TBC1D32: variants seen among roughly 807,000 people sequenced by gnomAD.
TBC1D32 encodes protein broad-minded.
TBC1D32 carries 151 observed loss-of-function variants against 170.3 expected under a neutral mutation model. The observed-to-expected ratio is 0.89, with a 90% CI of 0.78 to 1.01. The LOEUF is 1.01. Among genes scored for constraint, TBC1D32 ranks in the 50% least tolerant of loss-of-function variants. The pLI is 0.00. For synonymous variants in TBC1D32, 498 were observed against 488.0 expected (o/e 1.02, Z -0.27); for missense variants, 1,464 against 1,457.1 (o/e 1.00, Z -0.08).
At chr6:121,110,440 A>G (rs1165690753) in intron 29 of TBC1D32, among the ~76,000 whole-genome samples, 1 of 151,896 alleles carries the variant, frequency 6.6e-6, no homozygotes, top group Non-Finnish European at 1.5e-5. Context: ...TATAGGCTAT[A>G]AAAAAGGTAA....
In TBC1D32 at chr6:121,222,501, G is replaced by GTTTCCCAAAT. The variant is rs1434805676; in HGVS notation, c.2481+734_2481+735insATTTGGGAAA. On this transcript the variant is annotated intron_variant, in intron 21 of 31. Coordinates refer to ENST00000398212, the MANE Select transcript of TBC1D32 (RefSeq NM_152730.6). Reference sequence around the variant, plus strand: ...TATAAGCTATTAAAAGTTTCCCAAAGTAGACAAAATTTTTAAAAATCCAAG... The same window carrying GTTTCCCAAAT: ...TATAAGCTATTAAAAGTTTCCCAAAGTTTCCCAAATTAGACAAAATTTTTAAAAATCCAAG... Among the ~76,000 whole-genome samples the GTTTCCCAAAT allele has an allele frequency of 3.3e-5, 5 of 152,020 alleles. No homozygotes were observed. In the East Asian group the frequency reaches 7.7e-4, roughly 24 times the overall value.
At chr6:121,322,751 C>G (rs75758688) in intron 1 of TBC1D32, among the ~76,000 whole-genome samples, 9,828 of 152,202 alleles carry the variant, frequency 0.065, 614 homozygotes, top group Admixed American at 0.21. Flanking sequence ...ACATAGTAAA[C>G]ACTTTATAAA....
At chr6:121,218,178 A>G (rs1333332152) in intron 21 of TBC1D32, among the ~76,000 whole-genome samples, 16 of 152,218 alleles carry the variant, frequency 1.1e-4, no homozygotes, top group Admixed American at 1.0e-3. Context: ...CAAACAAAGC[A>G]AAAGAAGTCT....
In TBC1D32 at chr6:121,160,052, A is replaced by T; in HGVS notation, c.2731T>A (p.Cys911Ser). The T allele has an allele frequency of 1.2e-6, 2 of 1,609,110 alleles. No individual in the cohort carries two copies. Among genetic ancestry groups the T allele is most frequent in the Middle Eastern group, 1.7e-4 (1 of 6,028 alleles). The change falls in exon 24 of 32, where the codon TGC becomes AGC. Residue 911 changes from cysteine to serine, a missense_variant. Coordinates refer to ENST00000398212, the MANE Select transcript of TBC1D32 (RefSeq NM_152730.6). ...PMFSSYPLPNCYLSDITRNAG... is the reference protein window; with the variant it reads ...PMFSSYPLPNSYLSDITRNAG... ...TTTCTTGTAATGTCTGACAGATAGCAGTTTGGCAATGGATATGATGAAAAC... is the reference window on the plus strand; with the variant it reads ...TTTCTTGTAATGTCTGACAGATAGCTGTTTGGCAATGGATATGATGAAAAC...
chr6:121,292,910 T>C lies in TBC1D32; in HGVS notation c.1232-717A>G, dbSNP rs184307491. ...GAGACTGACAAGGGCTTGTAATAGC[T>C]GTTACGGAACGCTGAAGAAAGAACA... is the stretch of plus-strand genomic sequence containing the variant. On this transcript the variant is annotated intron_variant, in intron 11 of 31. Transcript: ENST00000398212. 5.7e-3 allele frequency among the ~76,000 whole-genome samples: 868 copies of C among 152,194 alleles called. 9 individuals carry two copies. Among genetic ancestry groups the C allele is most frequent in the African/African-American group, 0.02 (825 of 41,540 alleles).
chr6:121,090,903 G>C lies in TBC1D32; in HGVS notation c.3604C>G (p.Gln1202Glu). ...ICIAVFKHLQ[Q>E]DILQHTQTQD... Reference sequence around the variant, plus strand: ...GTCTGAGTGTGCTGTAGAATGTCTTGCTGTAAATGTTTGAATACAGCTATA... The same window carrying C: ...GTCTGAGTGTGCTGTAGAATGTCTTCCTGTAAATGTTTGAATACAGCTATA... The change falls in exon 31 of 32, where the codon CAA (glutamine) becomes GAA (glutamate). Residue 1202 changes from glutamine to glutamate, a missense_variant. Gln to Glu is a conservative substitution (Grantham distance 29). Transcript: ENST00000398212. 1.2e-6 allele frequency: 2 copies of C among 1,612,634 alleles called. No individual in the cohort carries two copies. Among genetic ancestry groups the C allele is most frequent in the Non-Finnish European group, 1.7e-6 (2 of 1,179,622 alleles).
chr6:121,273,526 T>C (rs1235110683), intron 15 of TBC1D32, among the ~76,000 whole-genome samples: 1 of 151,172 alleles, frequency 6.6e-6, no homozygotes, highest in Admixed American at 6.6e-5. Flanking sequence ...TTAAGAGATA[T>C]ACCTAATGTA....
chr6:121,129,831 T>C (rs2128215966), intron 25 of TBC1D32: 1 of 421,504 alleles, frequency 2.4e-6, no homozygotes, highest in Admixed American at 3.1e-5. Flanking sequence ...ATACTATTGG[T>C]AATAATCAGA....
intron 21 of TBC1D32, among the ~76,000 whole-genome samples, chr6:121,208,058 C>T (rs143974018): frequency 1.1e-4 from 16 of 151,654 alleles, no homozygotes; most frequent in Non-Finnish European, 2.1e-4. Flanking sequence ...AAAGGCTGCT[C>T]TCCTGTTTGG....
intron 15 of TBC1D32, among the ~76,000 whole-genome samples, chr6:121,262,599 C>T (rs1425094734): frequency 2.0e-5 from 3 of 151,984 alleles, no homozygotes; most frequent in Non-Finnish European, 2.9e-5. Flanking sequence ...GCCTCAGCCT[C>T]CTGAGTAGCT....
At chr6:121,200,369 TA>T (rs2128298319) in intron 22 of TBC1D32, among the ~76,000 whole-genome samples, 1 of 151,488 alleles carries the variant, frequency 6.6e-6, no homozygotes, top group East Asian at 1.9e-4. Flanking sequence ...AGAAAACTAT[TA>T]ATGTTAAATG....
intron 17 of TBC1D32, 130 bp from the exon 18 acceptor site, chr6:121,242,469 CAATA>C: frequency 1.3e-6 from 1 of 764,858 alleles, no homozygotes; most frequent in Non-Finnish European, 2.0e-6. Context: ...GCAAATTAAT[CAATA>C]AAGGTTTAAA....
At chr6:121,189,382 C>A (rs1224063950) in intron 22 of TBC1D32, among the ~76,000 whole-genome samples, 3 of 151,600 alleles carry the variant, frequency 2.0e-5, no homozygotes, top group Non-Finnish European at 4.4e-5. Flanking sequence ...CTGAGCATTT[C>A]CAACAGATAA....
chr6:121,094,220 T>C (rs1221438259), intron 30 of TBC1D32, among the ~76,000 whole-genome samples: 2 of 151,694 alleles, frequency 1.3e-5, no homozygotes, highest in African/African-American at 4.8e-5. Context: ...CAGGCTGGAG[T>C]GCAGTGGTGC....
rs541076501 is a variant in TBC1D32, at chr6:121,157,289, G to A, written c.2773+2721C>T. 6.6e-5 allele frequency among the ~76,000 whole-genome samples: 10 copies of A among 152,206 alleles called. No individual in the cohort carries two copies. In the South Asian group the frequency reaches 1.9e-3, roughly 28 times the overall value. On this transcript the variant is annotated intron_variant, in intron 24 of 31. Transcript: ENST00000398212. ...GCCTTCTTTATTCTTCCTGGTTGTT[G>A]TTGGTTAAAAGTCTATTTTATCTGA...
rs138320276 is a variant in TBC1D32, at chr6:121,270,823, G to A, written c.1733+8298C>T. Among the ~76,000 whole-genome samples the A allele has an allele frequency of 1.4e-4, 22 of 152,218 alleles. No individual in the cohort carries two copies. In the East Asian group the frequency reaches 4.1e-3, roughly 28 times the overall value. On this transcript the variant is annotated intron_variant, in intron 15 of 31. Transcript: ENST00000398212. ...AACACAACAAAAACAGGGAATTTTA[G>A]ACCAATATTCCTGATGAACATCGAT...
At position 121,221,101 on chromosome 6, in the gene TBC1D32, G is replaced by A. The variant is rs144999340; in HGVS notation, c.2481+2135C>T. Among the ~76,000 whole-genome samples, 57 of 152,286 alleles carry A rather than the reference G, an allele frequency of 3.7e-4. 1 individual carries two copies. The East Asian group carries it at 0.01, about 28-fold the overall frequency. Reference sequence around the variant, plus strand: ...ATGCAGATGGTGACTTTAAGCAGAAGCCAATGCTCATTTACCATTCCAAAA... The same window carrying A: ...ATGCAGATGGTGACTTTAAGCAGAAACCAATGCTCATTTACCATTCCAAAA... On this transcript the variant is annotated intron_variant, in intron 21 of 31. Coordinates refer to ENST00000398212, the MANE Select transcript of TBC1D32 (RefSeq NM_152730.6).
chr6:121,179,191 CAT>C (rs1242719575), intron 22 of TBC1D32, among the ~76,000 whole-genome samples: 1 of 151,376 alleles, frequency 6.6e-6, no homozygotes, highest in Non-Finnish European at 1.5e-5. Flanking sequence ...CACATACATA[CAT>C]ATATATACAC....
intron 13 of TBC1D32, among the ~76,000 whole-genome samples, chr6:121,282,740 A>C (rs1429015030): frequency 1.3e-5 from 2 of 151,816 alleles, no homozygotes; most frequent in Admixed American, 1.3e-4. Context: ...AGTAAATAAG[A>C]CAAAAACAGT....
Sources: gnomAD v4.1 joint callset for allele counts (sites outside exome capture counted in the v4.1 genomes callset) on GRCh38, gnomAD v4.1.1 for gene constraint, MANE v1.5 for transcripts, NCBI Gene and HGNC (gene_info 2026-07-23, HGNC 2026-07-21) for gene names.